PTPRK: variants seen among roughly 807,000 people sequenced by gnomAD.
PTPRK encodes receptor-type tyrosine-protein phosphatase kappa.
A neutral mutation model predicts 178.0 loss-of-function variants in PTPRK; 75 were observed. The ratio of observed to expected loss-of-function variants is 0.42; its 90% CI spans 0.35 to 0.51. The LOEUF is 0.51. PTPRK is among the 20% of genes least tolerant of loss of function. PTPRK has a pLI of 0.02. For missense variants in PTPRK, 1,441 were observed against 1,797.8 expected (o/e 0.80, Z 3.59); for synonymous variants, 637 against 620.6 (o/e 1.03, Z -0.39).
rs542851641 is a variant in PTPRK at position 128,037,482 on chromosome 6, T to A, written c.2194+27276A>T. Among the ~76,000 whole-genome samples, 167 of 152,326 alleles carry A rather than the reference T, an allele frequency of 1.1e-3. 1 individual carries two copies. Among genetic ancestry groups the A allele is most frequent in the African/African-American group, 3.9e-3 (163 of 41,580 alleles). On this transcript the variant is annotated intron_variant, in intron 13 of 29. Coordinates refer to ENST00000368226, the MANE Select transcript of PTPRK (RefSeq NM_002844.4). ...CTTGGAGCCTCCTAGAACATCTGCC[T>A]ATCAAGATTTAAGAATGCATATCTT...
intron 1 of PTPRK, among the ~76,000 whole-genome samples, chr6:128,508,046 T>C (rs1375192848): frequency 6.6e-6 from 1 of 152,126 alleles, no homozygotes; most frequent in African/African-American, 2.4e-5. Flanking sequence ...CCTAGGCAAG[T>C]TCTGAAGTGA....
rs184659017 is a variant in PTPRK, at chr6:128,482,494, T to G, written c.100+37765A>C. On this transcript the variant is annotated intron_variant, in intron 1 of 29. Transcript: ENST00000368226. ...AACAGAGACCTGTTTAAAATAAAAT[T>G]TATACACCAGAAGAGGTGGATAGAA... 2.1e-3 allele frequency among the ~76,000 whole-genome samples: 319 copies of G among 152,086 alleles called. 3 individuals carry two copies. Among genetic ancestry groups the G allele is most frequent in the Admixed American group, 0.02 (301 of 15,262 alleles).
At chr6:128,124,651 A>AT (rs574112538) in intron 7 of PTPRK, among the ~76,000 whole-genome samples, 10 of 149,512 alleles carry the variant, frequency 6.7e-5, no homozygotes, top group South Asian at 2.1e-4. Context: ...GATGGTTATT[A>AT]TTTTTTTTTT....
intron 3 of PTPRK, among the ~76,000 whole-genome samples, chr6:128,255,838 A>G (rs953277345): frequency 6.6e-6 from 1 of 152,242 alleles, no homozygotes; most frequent in African/African-American, 2.4e-5. Flanking sequence ...ATCTAGGCTG[A>G]TCTCCAAGCT....
intron 1 of PTPRK, among the ~76,000 whole-genome samples, chr6:128,480,036 A>G (rs1188094323): frequency 1.3e-5 from 2 of 151,986 alleles, no homozygotes; most frequent in African/African-American, 4.8e-5. Flanking sequence ...TTGACTTCCA[A>G]CTTCCAGACA....
chr6:128,381,133 T>C (rs958323146), intron 2 of PTPRK, among the ~76,000 whole-genome samples: 1 of 152,202 alleles, frequency 6.6e-6, no homozygotes, highest in African/African-American at 2.4e-5. Context: ...TATGACATTA[T>C]AGACTGCAGC....
intron 2 of PTPRK, among the ~76,000 whole-genome samples, chr6:128,374,472 T>A (rs1836738932): frequency 6.6e-6 from 1 of 152,068 alleles, no homozygotes; most frequent in Non-Finnish European, 1.5e-5. Context: ...CATCTGCCCC[T>A]CTCACATTCA....
intron 7 of PTPRK, among the ~76,000 whole-genome samples, chr6:128,171,067 T>C (rs971127579): frequency 1.7e-4 from 26 of 151,986 alleles, no homozygotes; most frequent in Admixed American, 2.6e-4. Context: ...ATGATGTACC[T>C]TACAAAGGAA....
intron 7 of PTPRK, among the ~76,000 whole-genome samples, chr6:128,148,102 T>C (rs1287139218): frequency 6.6e-6 from 1 of 152,088 alleles, no homozygotes; most frequent in Non-Finnish European, 1.5e-5. Context: ...TCACAGCCCA[T>C]ATTTGGTTGA....
intron 3 of PTPRK, among the ~76,000 whole-genome samples, chr6:128,291,346 C>A (rs1414354343): frequency 1.3e-5 from 2 of 152,034 alleles, no homozygotes; most frequent in African/African-American, 4.8e-5. Flanking sequence ...ACATTCCTGC[C>A]AACACCTTGA....
chr6:127,973,017 C>T lies in PTPRK; in HGVS notation c.4269+5G>A. On this transcript the variant is annotated splice_donor_5th_base_variant and intron_variant, in intron 29 of 29. Transcript: ENST00000368226. ...GCCTTCCAAATCTAAGATTCTGTGACTCACCGGGGCTTCCACCATGTTTGG... is the reference window on the plus strand; with the variant it reads ...GCCTTCCAAATCTAAGATTCTGTGATTCACCGGGGCTTCCACCATGTTTGG... The T allele has an allele frequency of 1.2e-6, 2 of 1,613,738 alleles. No homozygotes were observed. The highest frequency in any genetic ancestry group is 1.1e-5 in the South Asian group (1 of 91,064).
chr6:128,365,890 A>C (rs1351742549), intron 2 of PTPRK, among the ~76,000 whole-genome samples: 1 of 152,144 alleles, frequency 6.6e-6, no homozygotes, highest in South Asian at 2.1e-4. Context: ...TGCTCCCAGA[A>C]GTGCTATGGA....
intron 13 of PTPRK, among the ~76,000 whole-genome samples, chr6:128,020,062 A>G (rs1459661399): frequency 1.3e-5 from 2 of 152,204 alleles, no homozygotes; most frequent in Non-Finnish European, 2.9e-5. Flanking sequence ...GAGAATAACA[A>G]TAGGATGAAA....
intron 7 of PTPRK, among the ~76,000 whole-genome samples, chr6:128,141,088 A>G (rs548999862): frequency 5.5e-4 from 84 of 152,068 alleles, no homozygotes; most frequent in Admixed American, 1.9e-3. Context: ...GGTGAGAAAA[A>G]TTTATGCACA....
rs118184051 is a variant in PTPRK at position 128,289,094 on chromosome 6, T to C, written c.495+32945A>G. Among the ~76,000 whole-genome samples, 108 of 152,184 alleles carry C rather than the reference T, an allele frequency of 7.1e-4. 1 individual carries two copies. In the East Asian group the frequency reaches 0.019, roughly 27 times the overall value. ...ACTTGCATTAGACCCATCTAAAATATATATTATAAATTAACATTTCTAAGT... is the reference window on the plus strand; with the variant it reads ...ACTTGCATTAGACCCATCTAAAATACATATTATAAATTAACATTTCTAAGT... On this transcript the variant is annotated intron_variant, in intron 3 of 29. Coordinates refer to ENST00000368226, the MANE Select transcript of PTPRK (RefSeq NM_002844.4).
At chr6:128,118,492 T>C (rs1244713618) in intron 7 of PTPRK, among the ~76,000 whole-genome samples, 2 of 152,222 alleles carry the variant, frequency 1.3e-5, no homozygotes, top group Non-Finnish European at 2.9e-5. Context: ...ACAATTTCCT[T>C]TGAACCATGA....
chr6:128,138,093 G>T (rs1167632470), intron 7 of PTPRK, among the ~76,000 whole-genome samples: 1 of 151,992 alleles, frequency 6.6e-6, no homozygotes, highest in Admixed American at 6.6e-5. Context: ...TGTGCCACAT[G>T]ACACTTCCTT....
intron 5 of PTPRK, among the ~76,000 whole-genome samples, chr6:128,221,319 T>C (rs899078658): frequency 6.6e-6 from 1 of 150,426 alleles, no homozygotes. Flanking sequence ...GGTCAGGAGA[T>C]CAAGACCATC....
At chr6:128,023,367 C>G (rs901482968) in intron 13 of PTPRK, among the ~76,000 whole-genome samples, 1 of 152,136 alleles carries the variant, frequency 6.6e-6, no homozygotes, top group Non-Finnish European at 1.5e-5. Context: ...TCCCTAAAGT[C>G]AAATTTTCTT....
Sources: gnomAD v4.1 joint callset for allele counts (sites outside exome capture counted in the v4.1 genomes callset) on GRCh38, gnomAD v4.1.1 for gene constraint, MANE v1.5 for transcripts, NCBI Gene and HGNC (gene_info 2026-07-23, HGNC 2026-07-21) for gene names.